The following ZNF736 variants were observed in gnomAD, a reference collection of about 807,000 sequenced individuals.
ZNF736 encodes the protein KRAB-containing zinc-finger repressor protein.
Under a neutral mutation model 11.7 loss-of-function variants are expected in ZNF736, and 6 were observed. The observed-to-expected ratio is 0.51, with a 90% CI of 0.28 to 1.01. The LOEUF is 1.01. ZNF736 is among the 50% of genes least tolerant of loss of function. ZNF736 has a pLI of 0.09. For missense variants in ZNF736, 444 were observed against 496.0 expected (o/e 0.90, Z 1.00); for synonymous variants, 139 against 164.7 (o/e 0.84, Z 1.19).
At chr7:64,337,755 G>GT (rs147991832) in intron 3 of ZNF736, among the ~76,000 whole-genome samples, 15,483 of 85,398 alleles carry the variant, frequency 0.18, 1,308 homozygotes, top group Non-Finnish European at 0.19. Context: ...TGTTTTTTTT[G>GT]GTTTTTTTTT....
At chr7:64,335,877 A>T (rs1432595311) in intron 1 of ZNF736, among the ~76,000 whole-genome samples, 1 of 152,176 alleles carries the variant, frequency 6.6e-6, no homozygotes, top group Non-Finnish European at 1.5e-5. Context: ...TTTTAACAAG[A>T]TCTCCTGTTC....
At chr7:64,338,604 G>C (rs1368331151) in intron 3 of ZNF736, among the ~76,000 whole-genome samples, 1 of 151,962 alleles carries the variant, frequency 6.6e-6, no homozygotes, top group Non-Finnish European at 1.5e-5. Context: ...GTATTTGTCT[G>C]TTTCTGTGAT....
At chr7:64,338,889 A>T (rs1327040022) in intron 3 of ZNF736, among the ~76,000 whole-genome samples, 1 of 152,002 alleles carries the variant, frequency 6.6e-6, no homozygotes, top group Non-Finnish European at 1.5e-5. Context: ...CTATTAAAAA[A>T]TTTTTAAAAG....
intron 1 of ZNF736, among the ~76,000 whole-genome samples, chr7:64,316,287 G>C (rs1272252253): frequency 6.6e-6 from 1 of 152,208 alleles, no homozygotes; most frequent in East Asian, 1.9e-4. Context: ...AAAGCTAACT[G>C]CTTTAACATT....
In ZNF736 at chr7:64,336,333, G is replaced by A; in HGVS notation, c.78G>A (p.Gln26=). 1 of 1,613,894 alleles carries A rather than the reference G, an allele frequency of 6.2e-7. No individual in the cohort carries two copies. The change falls in exon 2 of 4, where the codon CAG becomes CAA. Residue 26 remains glutamine, a synonymous_variant. Coordinates refer to ENST00000423484, the MANE Select transcript of ZNF736 (RefSeq NM_001170905.3). The part of the protein sequence containing the change: ...EEWECLDSAQ[Q]RLYRDVMLEN... Reference sequence around the variant, plus strand: ...GGGAATGCCTGGACTCTGCTCAGCAGCGTTTGTATAGGGATGTGATGTTAG... The same window carrying A: ...GGGAATGCCTGGACTCTGCTCAGCAACGTTTGTATAGGGATGTGATGTTAG...
chr7:64,319,652 C>T (rs1268609065), intron 1 of ZNF736, among the ~76,000 whole-genome samples: 3 of 150,954 alleles, frequency 2.0e-5, no homozygotes, highest in South Asian at 2.1e-4. Flanking sequence ...CCTGCCACCA[C>T]GCCTGGCTAA....
chr7:64,353,829 A>T lies in ZNF736; in HGVS notation c.*4682A>T, dbSNP rs1789521673. 1 of 152,244 alleles carries T rather than the reference A, an allele frequency of 6.6e-6. No homozygotes were observed. The highest frequency in any genetic ancestry group is 1.5e-5 in the Non-Finnish European group (1 of 68,046). The allele number at this position is 152,244 out of a possible 1,614,324, so 9.4% of individuals were successfully genotyped here. A position where few individuals can be genotyped will look rare whatever the true frequency, so the allele number is the denominator to read the frequency against. ...AAATTGCCTTACCATTTGCAAATTA[A>T]GGTAATTAAAATACAGTGAATTTCA... On this transcript the variant is annotated 3_prime_UTR_variant, in exon 4 of 4. Coordinates refer to ENST00000423484, the MANE Select transcript of ZNF736 (RefSeq NM_001170905.3).
chr7:64,329,022 T>C (rs1341053148), intron 1 of ZNF736, among the ~76,000 whole-genome samples: 2 of 152,032 alleles, frequency 1.3e-5, no homozygotes, highest in Admixed American at 1.3e-4. Flanking sequence ...TCACTAATTC[T>C]TATGCTTGAT....
chr7:64,328,841 T>C (rs1236055336), intron 1 of ZNF736, among the ~76,000 whole-genome samples: 1 of 151,336 alleles, frequency 6.6e-6, no homozygotes, highest in Non-Finnish European at 1.5e-5. Flanking sequence ...ATATTAATAC[T>C]TTTTTTTTAG....
At chr7:64,345,072 G>A (rs1473134033) in intron 3 of ZNF736, among the ~76,000 whole-genome samples, 2 of 151,200 alleles carry the variant, frequency 1.3e-5, no homozygotes, top group African/African-American at 2.4e-5. Context: ...CACCCAGGCT[G>A]GAGTGCAGTG....
intron 1 of ZNF736, among the ~76,000 whole-genome samples, chr7:64,326,671 T>G (rs1789087060): frequency 1.3e-5 from 2 of 152,076 alleles, no homozygotes; most frequent in Admixed American, 1.3e-4. Context: ...TTTTTTAACT[T>G]TTTTTGATGT....
chr7:64,337,065 A>G, intron 3 of ZNF736, 83 bp downstream of exon 3: 2 of 1,130,252 alleles, frequency 1.8e-6, no homozygotes, highest in Non-Finnish European at 2.6e-6. Flanking sequence ...ACATGCTTCC[A>G]GAAGCTCTGC....
Position 64,353,136 on chromosome 7 carries a change from AGT to A in ZNF736, c.*3991_*3992del, listed in dbSNP as rs1377423924. The A allele has an allele frequency of 6.6e-6, 1 of 152,206 alleles. No individual in the cohort carries two copies. Among genetic ancestry groups the A allele is most frequent in the Non-Finnish European group, 1.5e-5 (1 of 68,086 alleles). 9.4% of individuals were successfully genotyped at this position (152,206 alleles called of 1,614,324 possible). A position where few individuals can be genotyped will look rare whatever the true frequency, so the allele number is the denominator to read the frequency against. ...TGTGTTAAACTGAAGGCCTTGGTGA[AGT>A]GGGTTCATGAGGGTATCTCCTCACC... On this transcript the variant is annotated 3_prime_UTR_variant, in exon 4 of 4. Transcript: ENST00000423484.
At chr7:64,337,221 T>C (rs971650102) in intron 3 of ZNF736, 5 of 489,540 alleles carry the variant, frequency 1.0e-5, no homozygotes, top group Non-Finnish European at 1.4e-5. Flanking sequence ...GTGTTTTGTT[T>C]TGTTTTTTGT....
chr7:64,340,527 T>C (rs1789322445), intron 3 of ZNF736, among the ~76,000 whole-genome samples: 1 of 152,208 alleles, frequency 6.6e-6, no homozygotes, highest in Admixed American at 6.5e-5. Flanking sequence ...AATCAATCTT[T>C]AGTTCTAGCA....
intron 3 of ZNF736, among the ~76,000 whole-genome samples, chr7:64,343,620 GTTAAA>G (rs1247502346): frequency 1.3e-5 from 2 of 152,198 alleles, no homozygotes; most frequent in African/African-American, 4.8e-5. Context: ...TGCAGTCACA[GTTAAA>G]ATGCATGGCT....
rs555691316 is a variant in ZNF736 at position 64,333,672 on chromosome 7, G to A, written c.4-2587G>A. ...GGACACAAATGGAAAAAAAAAATCC[G>A]TGCTCATGGATAGGAAGAATCAATA... is the stretch of plus-strand genomic sequence containing the variant. On this transcript the variant is annotated intron_variant, in intron 1 of 3. Coordinates refer to ENST00000423484, the MANE Select transcript of ZNF736 (RefSeq NM_001170905.3). 1.2e-4 allele frequency among the ~76,000 whole-genome samples: 18 copies of A among 149,210 alleles called. 1 individual carries two copies. The highest frequency in any genetic ancestry group is 1.1e-3 in the South Asian group (5 of 4,728).
At chr7:64,338,179 T>C (rs1789286755) in intron 3 of ZNF736, among the ~76,000 whole-genome samples, 1 of 152,196 alleles carries the variant, frequency 6.6e-6, no homozygotes, top group Admixed American at 6.5e-5. Context: ...CACATTTATA[T>C]ACGCATGTGT....
intron 3 of ZNF736, 120 bp from the exon 4 acceptor site, chr7:64,347,970 A>G (rs1789433756): frequency 1.1e-6 from 1 of 942,484 alleles, no homozygotes; most frequent in East Asian, 2.7e-5. Flanking sequence ...TTATATGTCT[A>G]TAAGAATATA....
Sources: allele counts gnomAD v4.1 joint callset (sites outside exome capture counted in the v4.1 genomes callset), GRCh38; gene constraint gnomAD v4.1.1; transcripts MANE v1.5; gene names NCBI Gene and HGNC (gene_info 2026-07-23, HGNC 2026-07-21).